GRM8: variants seen among roughly 807,000 people sequenced by gnomAD.
The protein encoded by GRM8 is glutamate metabotropic receptor 8.
Under a neutral mutation model 87.2 loss-of-function variants are expected in GRM8, and 47 were observed. The ratio of observed to expected loss-of-function variants is 0.54; its 90% CI spans 0.43 to 0.69. The LOEUF (loss-of-function observed/expected upper bound fraction) is 0.69. Ranked by LOEUF, GRM8 falls within the 30% of genes least tolerant of loss-of-function variation. The pLI, the probability that GRM8 is intolerant of heterozygous loss-of-function variation, is 0.00. For synonymous variants in GRM8, 396 were observed against 404.5 expected (o/e 0.98, Z 0.25); for missense variants, 1,019 against 1,139.2 (o/e 0.89, Z 1.52).
chr7:126,448,411 A>G (rs1314874401), intron 9 of GRM8, among the ~76,000 whole-genome samples: 1 of 151,926 alleles, frequency 6.6e-6, no homozygotes, highest in African/African-American at 2.4e-5. Context: ...CATCCTATAC[A>G]TTTTCTCTGT....
chr7:126,848,032 G>A lies in GRM8; in HGVS notation c.1156+54510C>T, dbSNP rs545444295. On this transcript the variant is annotated intron_variant, in intron 6 of 10. Coordinates refer to ENST00000339582, the MANE Select transcript of GRM8 (RefSeq NM_000845.3). The stretch of plus-strand genomic sequence containing the variant: ...TTAGGAGGTTATTGCAATTGTCAAG[G>A]TAGAAATTATCATGGTGAGAACTAG... Among the ~76,000 whole-genome samples the A allele has an allele frequency of 4.4e-4, 67 of 152,294 alleles. 1 individual carries two copies. Among genetic ancestry groups the A allele is most frequent in the Middle Eastern group, 3.4e-3 (1 of 294 alleles).
chr7:127,203,131 C>T (rs534147067), intron 2 of GRM8, among the ~76,000 whole-genome samples: 80 of 152,264 alleles, frequency 5.3e-4, no homozygotes, highest in Admixed American at 2.8e-3. Context: ...ATAAATGAAA[C>T]AACCATTTAT....
chr7:127,196,857 C>T (rs1795305275), intron 2 of GRM8, among the ~76,000 whole-genome samples: 1 of 152,108 alleles, frequency 6.6e-6, no homozygotes, highest in Non-Finnish European at 1.5e-5. Flanking sequence ...TTGGTGAAGA[C>T]TAAATGAGCT....
chr7:126,763,029 G>T (rs1817755747), intron 7 of GRM8, among the ~76,000 whole-genome samples: 1 of 151,352 alleles, frequency 6.6e-6, no homozygotes, highest in African/African-American at 2.4e-5. Flanking sequence ...TTTGTCAATT[G>T]ACCTCTTAGA....
At chr7:126,622,607 C>T (rs1406371018) in intron 7 of GRM8, among the ~76,000 whole-genome samples, 2 of 152,296 alleles carry the variant, frequency 1.3e-5, no homozygotes, top group East Asian at 1.9e-4. Context: ...GGCCCCATCA[C>T]TCTCACCTTC....
chr7:126,722,445 CT>C (rs1396946702), intron 7 of GRM8, among the ~76,000 whole-genome samples: 3 of 152,118 alleles, frequency 2.0e-5, no homozygotes, highest in Admixed American at 6.6e-5. Flanking sequence ...ATGTCATAGC[CT>C]TTTAGATCTT....
chr7:126,725,735 G>A (rs965613559), intron 7 of GRM8, among the ~76,000 whole-genome samples: 6 of 152,182 alleles, frequency 3.9e-5, no homozygotes, highest in South Asian at 2.1e-4. Context: ...GAAGCACGGC[G>A]TTGGCATCTG....
intron 6 of GRM8, among the ~76,000 whole-genome samples, chr7:126,895,483 A>G (rs1801456346): frequency 6.6e-6 from 1 of 152,122 alleles, no homozygotes; most frequent in Admixed American, 6.6e-5. Flanking sequence ...GCATGTTAAC[A>G]AGGTACTTAA....
At chr7:126,448,536 C>T (rs573554964) in intron 9 of GRM8, among the ~76,000 whole-genome samples, 2 of 151,988 alleles carry the variant, frequency 1.3e-5, no homozygotes, top group South Asian at 2.1e-4. Context: ...CTAGCTTCCT[C>T]GTTAAATAAA....
At position 126,700,060 on chromosome 7, in the gene GRM8, C is replaced by A. The variant is rs79032110; in HGVS notation, c.1357+69805G>T. Among the ~76,000 whole-genome samples, 1,054 of 152,218 alleles carry A rather than the reference C, an allele frequency of 6.9e-3. 16 individuals are homozygous for A. The highest frequency in any genetic ancestry group is 0.024 in the African/African-American group (995 of 41,522). On this transcript the variant is annotated intron_variant, in intron 7 of 10. Transcript: ENST00000339582. ...AGAAGAAAACCAGAACCAAGGCACACACACTGTTCAGATAGTTCATAGGGT... is the reference window on the plus strand; with the variant it reads ...AGAAGAAAACCAGAACCAAGGCACAAACACTGTTCAGATAGTTCATAGGGT...
intron 3 of GRM8, among the ~76,000 whole-genome samples, chr7:126,923,945 A>T (rs186589784): frequency 4.7e-4 from 71 of 152,308 alleles, no homozygotes; most frequent in African/African-American, 1.6e-3. Flanking sequence ...AGATTCCATT[A>T]ATCTGTGATT....
intron 6 of GRM8, among the ~76,000 whole-genome samples, chr7:126,875,110 G>T (rs1799424057): frequency 6.6e-6 from 1 of 151,980 alleles, no homozygotes; most frequent in Non-Finnish European, 1.5e-5. Context: ...GACAACTCAA[G>T]ATACTTCAAA....
intron 2 of GRM8, among the ~76,000 whole-genome samples, chr7:127,126,838 A>T (rs1018138298): frequency 3.3e-5 from 5 of 151,986 alleles, no homozygotes; most frequent in African/African-American, 9.7e-5. Context: ...GCTATATCTG[A>T]TTAAAGACTT....
intron 3 of GRM8, among the ~76,000 whole-genome samples, chr7:126,951,219 T>C (rs1033270846): frequency 6.6e-6 from 1 of 152,060 alleles, no homozygotes; most frequent in Non-Finnish European, 1.5e-5. Flanking sequence ...CATACATAAC[T>C]GCCCATTTGT....
intron 7 of GRM8, among the ~76,000 whole-genome samples, chr7:126,706,548 G>C (rs925696480): frequency 2.9e-4 from 44 of 152,230 alleles, no homozygotes; most frequent in Non-Finnish European, 4.4e-4. Flanking sequence ...ATAACATTAG[G>C]AAGAGTAGTC....
At chr7:127,223,950 T>C (rs1192411781) in intron 2 of GRM8, among the ~76,000 whole-genome samples, 2 of 140,858 alleles carry the variant, frequency 1.4e-5, no homozygotes, top group African/African-American at 5.2e-5. Flanking sequence ...ATGGGTTCAA[T>C]AGCAGAATAA....
At chr7:126,822,511 TCCTTC>T (rs140021218) in intron 6 of GRM8, among the ~76,000 whole-genome samples, 3,827 of 151,780 alleles carry the variant, frequency 0.025, 76 homozygotes, top group Middle Eastern at 0.071. Context: ...CTTCTCTCCT[TCCTTC>T]CCTTCCCTTC....
chr7:126,779,024 T>C (rs1388635142), intron 6 of GRM8, among the ~76,000 whole-genome samples: 3 of 152,142 alleles, frequency 2.0e-5, no homozygotes, highest in Non-Finnish European at 4.4e-5. Flanking sequence ...TGATATACTC[T>C]TTTTAATATG....
chr7:126,714,224 G>C (rs1811456903), intron 7 of GRM8, among the ~76,000 whole-genome samples: 1 of 150,212 alleles, frequency 6.7e-6, no homozygotes, highest in Non-Finnish European at 1.5e-5. Context: ...GTTGTGGTGA[G>C]CCTAGATCGT....
Sources: allele counts gnomAD v4.1 joint callset (sites outside exome capture counted in the v4.1 genomes callset), GRCh38; gene constraint gnomAD v4.1.1; transcripts MANE v1.5; gene names NCBI Gene and HGNC (gene_info 2026-07-23, HGNC 2026-07-21).